Variants in MARCHF11 observed in about 807,000 individuals in gnomAD.
The protein encoded by MARCHF11 is E3 ubiquitin-protein ligase MARCHF11.
In MARCHF11, 29 loss-of-function variants were observed where a neutral mutation model predicts 37.3. The ratio of observed to expected loss-of-function variants is 0.78; its 90% CI spans 0.58 to 1.06. The LOEUF (loss-of-function observed/expected upper bound fraction) is 1.06, where lower values mean the gene tolerates loss of function less well. Ranked by LOEUF, MARCHF11 falls within the 50% of genes least tolerant of loss-of-function variation. The pLI is 0.00. For missense variants in MARCHF11, 482 were observed against 533.4 expected, an observed-to-expected ratio of 0.90 and a Z score of 0.95; for synonymous variants, 233 against 228.0, an observed-to-expected ratio of 1.02 and a Z score of -0.20.
chr5:16,116,553 G>A (rs1282949854), intron 2 of MARCHF11, among the ~76,000 whole-genome samples: 1 of 151,990 alleles, frequency 6.6e-6, no homozygotes, highest in East Asian at 1.9e-4. Flanking sequence ...AAGAAATGCT[G>A]TGCTATTGGT....
At chr5:16,157,074 A>G (rs1737989798) in intron 2 of MARCHF11, among the ~76,000 whole-genome samples, 1 of 151,912 alleles carries the variant, frequency 6.6e-6, no homozygotes, top group Non-Finnish European at 1.5e-5. Context: ...AACGCAGTGA[A>G]CTATTTGAAA....
chr5:16,144,523 C>A (rs149568583), intron 2 of MARCHF11, among the ~76,000 whole-genome samples: 4 of 152,184 alleles, frequency 2.6e-5, no homozygotes, highest in Non-Finnish European at 5.9e-5. Flanking sequence ...TGTCTCCTAT[C>A]CCATCACCCT....
Position 16,089,896 on chromosome 5 carries a change from T to C in MARCHF11, c.886+993A>G, listed in dbSNP as rs116350658. On this transcript the variant is annotated intron_variant, in intron 3 of 3. Coordinates refer to ENST00000332432, the MANE Select transcript of MARCHF11 (RefSeq NM_001102562.3). The stretch of plus-strand genomic sequence containing the variant: ...GTGAGAAAACAGAAGTATGGAGGGA[T>C]GAAGGTGACCTGCCCTGGCAGAGGC... Among the ~76,000 whole-genome samples the C allele has an allele frequency of 7.0e-3, 1,064 of 152,310 alleles. 8 individuals are homozygous for C. The highest frequency in any genetic ancestry group is 0.012 in the Non-Finnish European group (798 of 68,024).
At chr5:16,165,520 T>C (rs1171879221) in intron 2 of MARCHF11, among the ~76,000 whole-genome samples, 1 of 152,082 alleles carries the variant, frequency 6.6e-6, no homozygotes, top group African/African-American at 2.4e-5. Context: ...TAGTCTCTGG[T>C]TTGTGACAGT....
At chr5:16,134,586 T>C (rs1737575914) in intron 2 of MARCHF11, among the ~76,000 whole-genome samples, 2 of 152,206 alleles carry the variant, frequency 1.3e-5, no homozygotes, top group African/African-American at 4.8e-5. Flanking sequence ...ACATGCAGTA[T>C]TTTGAAATAA....
intron 2 of MARCHF11, among the ~76,000 whole-genome samples, chr5:16,120,731 C>T (rs2126576775): frequency 6.6e-6 from 1 of 152,242 alleles, no homozygotes; most frequent in East Asian, 1.9e-4. Flanking sequence ...CTGGCTTTGA[C>T]CAGTATAATG....
At chr5:16,088,999 G>T (rs371673439) in intron 3 of MARCHF11, among the ~76,000 whole-genome samples, 57 of 152,034 alleles carry the variant, frequency 3.7e-4, no homozygotes, top group African/African-American at 1.4e-3. Context: ...ATATGTCTCT[G>T]CTCTTGAAAC....
intron 2 of MARCHF11, among the ~76,000 whole-genome samples, chr5:16,135,202 G>A (rs757029151): frequency 3.9e-5 from 6 of 152,182 alleles, no homozygotes; most frequent in African/African-American, 1.4e-4. Flanking sequence ...GTTAAGTGCT[G>A]AGGTGAACAG....
At chr5:16,169,688 G>A (rs558410566) in intron 2 of MARCHF11, among the ~76,000 whole-genome samples, 2 of 152,168 alleles carry the variant, frequency 1.3e-5, no homozygotes, top group South Asian at 4.1e-4. Flanking sequence ...ATTCTCACAG[G>A]GAAGATGTTG....
At chr5:16,121,535 G>T (rs989206148) in intron 2 of MARCHF11, among the ~76,000 whole-genome samples, 1 of 152,160 alleles carries the variant, frequency 6.6e-6, no homozygotes, top group African/African-American at 2.4e-5. Flanking sequence ...TAAGGTGAAT[G>T]GGTAGTAGGA....
intron 2 of MARCHF11, among the ~76,000 whole-genome samples, chr5:16,120,358 TG>T (rs1406357485): frequency 6.6e-6 from 1 of 152,202 alleles, no homozygotes; most frequent in Non-Finnish European, 1.5e-5. Flanking sequence ...CTACCTCCCC[TG>T]TACAAGTCTC....
chr5:16,087,324 C>T (rs1736716131), intron 3 of MARCHF11, among the ~76,000 whole-genome samples: 1 of 152,194 alleles, frequency 6.6e-6, no homozygotes, highest in South Asian at 2.1e-4. Context: ...TACTTTAACA[C>T]CCTTCTCTTA....
At chr5:16,161,609 C>T (rs1738078255) in intron 2 of MARCHF11, among the ~76,000 whole-genome samples, 1 of 151,866 alleles carries the variant, frequency 6.6e-6, no homozygotes, top group African/African-American at 2.4e-5. Context: ...TTGTCAATGG[C>T]AAAGATTCAA....
At chr5:16,160,588 TG>T (rs1354406035) in intron 2 of MARCHF11, among the ~76,000 whole-genome samples, 1 of 151,530 alleles carries the variant, frequency 6.6e-6, no homozygotes, top group East Asian at 1.9e-4. Flanking sequence ...TGAGATCACA[TG>T]CTTTATATTC....
intron 2 of MARCHF11, among the ~76,000 whole-genome samples, chr5:16,103,951 G>A (rs1736998243): frequency 6.6e-6 from 1 of 152,192 alleles, no homozygotes. Context: ...CTAGGCAGAT[G>A]CCATGTTGAC....
At chr5:16,164,412 C>G (rs1196913500) in intron 2 of MARCHF11, among the ~76,000 whole-genome samples, 1 of 152,040 alleles carries the variant, frequency 6.6e-6, no homozygotes, top group African/African-American at 2.4e-5. Context: ...CACTATAAAT[C>G]AACTACACCA....
intron 2 of MARCHF11, among the ~76,000 whole-genome samples, chr5:16,145,297 G>A (rs1265344146): frequency 6.6e-6 from 1 of 152,148 alleles, no homozygotes; most frequent in Non-Finnish European, 1.5e-5. Flanking sequence ...CCAGGTGAAA[G>A]GCAGAGTGCT....
At chr5:16,068,000 A>G (rs1308881147) in intron 3 of MARCHF11, among the ~76,000 whole-genome samples, 4 of 152,242 alleles carry the variant, frequency 2.6e-5, no homozygotes, top group Admixed American at 2.6e-4. Context: ...GAATGAGAAT[A>G]CACTAATATG....
intron 2 of MARCHF11, among the ~76,000 whole-genome samples, chr5:16,161,195 C>A (rs1408308837): frequency 9.3e-6 from 1 of 108,078 alleles, no homozygotes; most frequent in African/African-American, 3.6e-5. Context: ...CTCCCCCCAC[C>A]CCAGAAAGGT....
Sources: gnomAD v4.1 joint callset for allele counts (sites outside exome capture counted in the v4.1 genomes callset) on GRCh38, gnomAD v4.1.1 for gene constraint, MANE v1.5 for transcripts, NCBI Gene and HGNC (gene_info 2026-07-23, HGNC 2026-07-21) for gene names.